The following NMRK1 variants were observed in gnomAD, a reference collection of about 807,000 sequenced individuals.
NMRK1 encodes the protein NRK 1.
A neutral mutation model predicts 29.9 loss-of-function variants in NMRK1; 28 were observed. That is an observed-to-expected ratio of 0.94 (90% confidence interval 0.69 to 1.28). The LOEUF (loss-of-function observed/expected upper bound fraction) is 1.28. Ranked by LOEUF, NMRK1 falls within the 50% of genes most tolerant of loss-of-function variation. NMRK1 has a pLI of 0.00. For missense variants in NMRK1, 218 were observed against 233.1 expected (o/e 0.94, Z 0.42); for synonymous variants, 58 against 73.0 (o/e 0.79, Z 1.05).
chr9:75,075,508 T>C (rs985446721), intron 4 of NMRK1, among the ~76,000 whole-genome samples: 6 of 152,208 alleles, frequency 3.9e-5, no homozygotes, highest in Non-Finnish European at 5.9e-5. Flanking sequence ...ATTATGACTT[T>C]TTAAAGAGAG....
intron 2 of NMRK1, 57 bp from the exon 3 acceptor site, chr9:75,077,637 CA>C (rs1824077358): frequency 1.9e-5 from 23 of 1,230,164 alleles, no homozygotes; most frequent in East Asian, 5.1e-5. Context: ...AATCATTAAA[CA>C]CTTTTTTTTT....
chr9:75,084,348 G>T (rs1033138796), intron 1 of NMRK1, among the ~76,000 whole-genome samples: 2 of 152,198 alleles, frequency 1.3e-5, no homozygotes, highest in East Asian at 3.8e-4. Context: ...CTGGGGAGGG[G>T]TTATGCAGAA....
chr9:75,077,280 G>A (rs1185795302), intron 3 of NMRK1, 73 bp from the exon 4 acceptor site: 10 of 1,082,182 alleles, frequency 9.2e-6, no homozygotes, highest in African/African-American at 1.6e-5. Context: ...CTAAAAAGGA[G>A]AGAAGTCTTT....
chr9:75,067,588 C>T (rs537377242), intron 7 of NMRK1, among the ~76,000 whole-genome samples: 40 of 152,230 alleles, frequency 2.6e-4, no homozygotes, highest in African/African-American at 9.6e-4. Flanking sequence ...GTACCTCAGT[C>T]GTTAGAGGCC....
chr9:75,068,793 A>G (rs528889105), intron 7 of NMRK1, among the ~76,000 whole-genome samples: 7 of 152,370 alleles, frequency 4.6e-5, no homozygotes, highest in African/African-American at 1.7e-4. Context: ...TTCATTCAAT[A>G]CTGGTTGAAT....
At chr9:75,074,509 C>G (rs1823882690) in intron 4 of NMRK1, among the ~76,000 whole-genome samples, 1 of 152,070 alleles carries the variant, frequency 6.6e-6, no homozygotes, top group Admixed American at 6.6e-5. Context: ...GCCTCAGTCT[C>G]CTTGGTAGCT....
intron 2 of NMRK1, chr9:75,078,446 C>T (rs1824134847): frequency 3.3e-6 from 5 of 1,522,526 alleles, no homozygotes; most frequent in Non-Finnish European, 4.4e-6. Context: ...TCTGACCGGA[C>T]TGTGAAGTCC....
At chr9:75,069,128 T>C (rs758364736) in intron 6 of NMRK1, 26 bp from the exon 7 acceptor site, 23 of 1,485,454 alleles carry the variant, frequency 1.5e-5, no homozygotes, top group South Asian at 3.4e-5. Context: ...GGAAACTTTA[T>C]GTTGACAGAA....
intron 8 of NMRK1, among the ~76,000 whole-genome samples, chr9:75,065,549 C>G (rs944281081): frequency 1.3e-5 from 2 of 151,898 alleles, no homozygotes; most frequent in African/African-American, 4.8e-5. Flanking sequence ...GAACTCCTGG[C>G]CCCAAGCAAT....
chr9:75,078,648 G>T, intron 2 of NMRK1: 1 of 836,232 alleles, frequency 1.2e-6, no homozygotes, highest in Non-Finnish European at 1.5e-6. Flanking sequence ...TATTTTCATT[G>T]AATTCTGACA....
At chr9:75,077,987 T>A (rs1384312405) in intron 2 of NMRK1, among the ~76,000 whole-genome samples, 5 of 152,158 alleles carry the variant, frequency 3.3e-5, no homozygotes, top group Non-Finnish European at 1.5e-5. Context: ...TATTTACTAT[T>A]TAAGAAAAAA....
chr9:75,086,223 C>T (rs1327626812), intron 1 of NMRK1, among the ~76,000 whole-genome samples: 3 of 151,620 alleles, frequency 2.0e-5, no homozygotes, highest in African/African-American at 7.3e-5. Flanking sequence ...AAACCAAAAA[C>T]AAAACAAAAA....
chr9:75,066,004 C>A (rs1371194048), intron 8 of NMRK1, among the ~76,000 whole-genome samples: 1 of 152,124 alleles, frequency 6.6e-6, no homozygotes, highest in Admixed American at 6.6e-5. Flanking sequence ...TCAAAATAAA[C>A]CCTAAATAGA....
chr9:75,065,666 A>C (rs4454353), intron 8 of NMRK1, among the ~76,000 whole-genome samples: 20,960 of 152,136 alleles, frequency 0.14, 1,799 homozygotes, highest in Non-Finnish European at 0.19. Flanking sequence ...ATTCAATTAC[A>C]AGATGGGTTA....
At chr9:75,077,749 C>CCTCA (rs1270855489) in intron 2 of NMRK1, among the ~76,000 whole-genome samples, 169 bp from the exon 3 acceptor site, 1 of 152,026 alleles carries the variant, frequency 6.6e-6, no homozygotes, top group Non-Finnish European at 1.5e-5. Flanking sequence ...GATTCTCCTG[C>CCTCA]CTCAGCCTCC....
At chr9:75,087,685 C>T (rs976108722) in intron 1 of NMRK1, 6 of 152,026 alleles carry the variant, frequency 3.9e-5, no homozygotes, top group Non-Finnish European at 7.3e-5. Flanking sequence ...AGGTCATCAC[C>T]CCAACGCTAG....
At chr9:75,081,648 C>CT (rs1166833838) in intron 2 of NMRK1, among the ~76,000 whole-genome samples, 1 of 152,120 alleles carries the variant, frequency 6.6e-6, no homozygotes, top group Non-Finnish European at 1.5e-5. Flanking sequence ...TTGTAGTTGC[C>CT]TCTCCAGGTT....
chr9:75,066,594 A>AC (rs5898392), intron 8 of NMRK1, among the ~76,000 whole-genome samples, 163 bp downstream of exon 8: 2,369 of 151,546 alleles, frequency 0.016, 44 homozygotes, highest in African/African-American at 0.048. Context: ...GAGTCTCCAA[A>AC]CCCCCCCCCA....
In NMRK1 at chr9:75,077,144, A is replaced by G. The variant is rs1309566172; in HGVS notation, c.169+15T>C. The stretch of plus-strand genomic sequence containing the variant: ...GAACATAAGCATATAATATTTGACA[A>G]GTAAATCTACTTACCATCGTACTGC... On this transcript the variant is annotated intron_variant, in intron 4 of 8. Coordinates refer to ENST00000361092, the MANE Select transcript of NMRK1 (RefSeq NM_017881.3). 1 of 1,474,776 alleles carries G rather than the reference A, an allele frequency of 6.8e-7. No homozygotes were observed. The highest frequency in any genetic ancestry group is 2.3e-5 in the East Asian group (1 of 43,938). 91.4% of individuals were successfully genotyped at this position (1,474,776 alleles called of 1,614,324 possible). A position where few individuals can be genotyped will look rare whatever the true frequency, so the allele number is the denominator to read the frequency against.
Sources: gnomAD v4.1 joint callset for allele counts (sites outside exome capture counted in the v4.1 genomes callset) on GRCh38, gnomAD v4.1.1 for gene constraint, MANE v1.5 for transcripts, NCBI Gene and HGNC (gene_info 2026-07-23, HGNC 2026-07-21) for gene names.